ENPP1: variants seen among roughly 807,000 people sequenced by gnomAD.
ENPP1 encodes the protein ectonucleotide pyrophosphatase/phosphodiesterase family member 1.
In ENPP1, 73 loss-of-function variants were observed where a neutral mutation model predicts 122.8. The ratio of observed to expected loss-of-function variants is 0.59; its 90% CI spans 0.49 to 0.72. The LOEUF is 0.72. Among genes scored for constraint, ENPP1 ranks in the 30% least tolerant of loss-of-function variants. The pLI is 0.00. For missense variants in ENPP1, 978 were observed against 1,128.1 expected (o/e 0.87, Z 1.91); for synonymous variants, 367 against 391.6 (o/e 0.94, Z 0.74).
chr6:131,852,310 A>G (rs2037054543), intron 5 of ENPP1, 75 bp downstream of exon 5: 2 of 885,056 alleles, frequency 2.3e-6, no homozygotes, highest in East Asian at 2.5e-5. Flanking sequence ...CCAAATTAAG[A>G]TGATAAAAAT....
chr6:131,832,830 C>T (rs1367968530), intron 1 of ENPP1, among the ~76,000 whole-genome samples: 3 of 152,080 alleles, frequency 2.0e-5, no homozygotes, highest in South Asian at 2.1e-4. Context: ...TGGTGGCCTC[C>T]GTGTAAGGGT....
intron 16 of ENPP1, 101 bp downstream of exon 16, chr6:131,874,438 GAATT>G: frequency 1.4e-6 from 1 of 704,626 alleles, no homozygotes; most frequent in South Asian, 1.7e-5. Flanking sequence ...TCTTGAATGA[GAATT>G]AATGGAACAT....
chr6:131,878,449 C>T, intron 18 of ENPP1, 93 bp from the exon 19 acceptor site: 1 of 794,758 alleles, frequency 1.3e-6, no homozygotes, highest in Non-Finnish European at 2.2e-6. Flanking sequence ...GATCTTTGTT[C>T]TATGTTGGAA....
intron 13 of ENPP1, 75 bp from the exon 14 acceptor site, chr6:131,871,987 GGATCTGAC>G (rs938228366): frequency 1.3e-5 from 13 of 1,027,976 alleles, no homozygotes; most frequent in Non-Finnish European, 2.0e-5. Flanking sequence ...TGCAGAGTTT[GGATCTGAC>G]ATTCTATATT....
chr6:131,848,394 T>G (rs1265090638), intron 2 of ENPP1, among the ~76,000 whole-genome samples: 1 of 152,172 alleles, frequency 6.6e-6, no homozygotes, highest in Non-Finnish European at 1.5e-5. Context: ...GTGGTTATTA[T>G]CTTGTCTTTG....
chr6:131,864,592 T>C lies in ENPP1; in HGVS notation c.1091+21T>C, dbSNP rs758389012. ...GAAAGGTCTGTAGGCAATTAATTTC[T>C]ATTGTAAATACTTCGTTTTGTAGAA... On this transcript the variant is annotated intron_variant, in intron 10 of 24. Coordinates refer to ENST00000647893, the MANE Select transcript of ENPP1 (RefSeq NM_006208.3). The C allele has an allele frequency of 1.7e-5, 25 of 1,498,598 alleles. No homozygotes were observed. In the Middle Eastern group the frequency reaches 5.3e-4, roughly 32 times the overall value. The allele number at this position is 1,498,598 out of a possible 1,614,324, so 92.8% of individuals were successfully genotyped here. A position where few individuals can be genotyped will look rare whatever the true frequency, so the allele number is the denominator to read the frequency against.
intron 7 of ENPP1, among the ~76,000 whole-genome samples, chr6:131,859,607 G>T (rs1369227367): frequency 5.4e-5 from 1 of 18,678 alleles, no homozygotes; most frequent in African/African-American, 2.5e-4. Flanking sequence ...CCTAGGGGCG[G>T]ATGGGGGGAA....
In ENPP1 at chr6:131,869,470, C is replaced by T; in HGVS notation, c.1386C>T (p.Val462=). The change falls in exon 13 of 25, where the codon GTC becomes GTT. Residue 462 remains valine, a synonymous_variant. Transcript: ENST00000647893. The part of the protein sequence containing the change: ...GPAARLRPSD[V]PDKYYSFNYE... ...CAGCTCGATTGAGACCCTCTGATGT[C>T]CCAGATAAATACTATTCATGTAAGT... The T allele has an allele frequency of 6.2e-7, 1 of 1,613,114 alleles. No individual in the cohort carries two copies. Among genetic ancestry groups the T allele is most frequent in the Non-Finnish European group, 8.5e-7 (1 of 1,179,304 alleles).
At chr6:131,835,492 A>G (rs1369950109) in intron 1 of ENPP1, among the ~76,000 whole-genome samples, 1 of 152,348 alleles carries the variant, frequency 6.6e-6, no homozygotes, top group Non-Finnish European at 1.5e-5. Flanking sequence ...TTATTTTCCC[A>G]AGATACTAGT....
chr6:131,827,349 T>A, intron 1 of ENPP1: 1 of 1,135,668 alleles, frequency 8.8e-7, no homozygotes, highest in Non-Finnish European at 1.3e-6. Flanking sequence ...ATCAGGGATG[T>A]CACTATAGTT....
rs75520563 is a variant in ENPP1 at position 131,848,223 on chromosome 6, T to C, written c.313+375T>C. Among the ~76,000 whole-genome samples the C allele has an allele frequency of 8.4e-3, 1,287 of 152,328 alleles. 13 individuals carry two copies. The highest frequency in any genetic ancestry group is 0.018 in the South Asian group (87 of 4,832). On this transcript the variant is annotated intron_variant, in intron 2 of 24. Coordinates refer to ENST00000647893, the MANE Select transcript of ENPP1 (RefSeq NM_006208.3). ...CTGGGCAACCAGAAACCTGTCAGTA[T>C]GTGCTCTTAAGGTTCTAAAATTGCA...
At position 131,893,509 on chromosome 6, in the gene ENPP1, G is replaced by A. The variant is rs1473029280; in HGVS notation, c.*2998G>A. The A allele has an allele frequency of 6.6e-6, 1 of 152,210 alleles. No individual in the cohort carries two copies. The highest frequency in any genetic ancestry group is 2.4e-5 in the African/African-American group (1 of 41,456). 9.4% of individuals were successfully genotyped at this position (152,210 alleles called of 1,614,324 possible). A position where few individuals can be genotyped will look rare whatever the true frequency, so the allele number is the denominator to read the frequency against. ...GGGACCTTCTAACATTCCTTGGATG[G>A]AACATTTTTGACATTTTCCCATTTA... On this transcript the variant is annotated 3_prime_UTR_variant, in exon 25 of 25. Coordinates refer to ENST00000647893, the MANE Select transcript of ENPP1 (RefSeq NM_006208.3).
At chr6:131,883,820 C>G in intron 22 of ENPP1, 46 bp downstream of exon 22, 2 of 932,710 alleles carry the variant, frequency 2.1e-6, no homozygotes, top group South Asian at 2.7e-5. Context: ...TGAATTTGTG[C>G]ACATATAGGC....
intron 5 of ENPP1, among the ~76,000 whole-genome samples, chr6:131,852,889 GT>G (rs542920795): frequency 2.0e-5 from 3 of 151,512 alleles, no homozygotes; most frequent in African/African-American, 4.9e-5. Flanking sequence ...TTCATATTTG[GT>G]TTTTTTGTCC....
chr6:131,823,564 A>G (rs372863404), intron 1 of ENPP1, among the ~76,000 whole-genome samples: 1 of 151,732 alleles, frequency 6.6e-6, no homozygotes, highest in Non-Finnish European at 1.5e-5. Flanking sequence ...CTTTGTACAG[A>G]TTATATCTGT....
At chr6:131,851,079 G>A in intron 3 of ENPP1, 63 bp from the exon 4 acceptor site, 1 of 1,578,704 alleles carries the variant, frequency 6.3e-7, no homozygotes, top group South Asian at 1.1e-5. Context: ...CAGCAATTCT[G>A]TGTTCACTTT....
At chr6:131,850,754 A>T (rs1234239857) in intron 3 of ENPP1, among the ~76,000 whole-genome samples, 1 of 152,110 alleles carries the variant, frequency 6.6e-6, no homozygotes, top group Admixed American at 6.6e-5. Flanking sequence ...ATGTTTGTAG[A>T]GATGAGGTCT....
chr6:131,867,883 TTATC>T (rs1270898128), intron 11 of ENPP1, 131 bp from the exon 12 acceptor site: 12 of 690,128 alleles, frequency 1.7e-5, no homozygotes, highest in South Asian at 1.0e-4. Flanking sequence ...CCACTGGCCC[TTATC>T]TATCTATCTG....
intron 1 of ENPP1, among the ~76,000 whole-genome samples, chr6:131,834,571 C>T (rs1781650808): frequency 6.6e-6 from 1 of 151,062 alleles, no homozygotes; most frequent in South Asian, 2.1e-4. Context: ...CACTCTGTCG[C>T]CCACGCTGGA....
Sources: gnomAD v4.1 joint callset for allele counts (sites outside exome capture counted in the v4.1 genomes callset) on GRCh38, gnomAD v4.1.1 for gene constraint, MANE v1.5 for transcripts, NCBI Gene and HGNC (gene_info 2026-07-23, HGNC 2026-07-21) for gene names.